The following LINGO2 variants were observed in gnomAD, a reference collection of about 807,000 sequenced individuals.
LINGO2 encodes leucine-rich repeat and immunoglobulin-like domain-containing nogo receptor-interacting protein 2.
A neutral mutation model predicts 30.6 loss-of-function variants in LINGO2; 14 were observed. The ratio of observed to expected loss-of-function variants is 0.46; its 90% confidence interval spans 0.30 to 0.72. The LOEUF (loss-of-function observed/expected upper bound fraction) is 0.72. LINGO2 is among the 30% of genes least tolerant of loss of function. The pLI is 0.07. For synonymous variants in LINGO2, 317 were observed against 288.5 expected (o/e 1.10, Z -1.00); for missense variants, 729 against 751.7 (o/e 0.97, Z 0.35).
At chr9:28,110,538 C>T (rs1051675036) in intron 4 of LINGO2, among the ~76,000 whole-genome samples, 1 of 151,982 alleles carries the variant, frequency 6.6e-6, no homozygotes, top group Non-Finnish European at 1.5e-5. Flanking sequence ...AGAACCTAAA[C>T]AAATTTACAA....
At chr9:28,676,638 G>T in the LINGO2 span, among the ~76,000 whole-genome samples, 1 of 152,076 alleles carries the variant, frequency 6.6e-6, no homozygotes, top group East Asian at 1.9e-4. Flanking sequence ...TGGTGGTGTT[G>T]GTGGTGGTGG....
chr9:27,950,697 G>C lies in LINGO2; in HGVS notation c.-26C>G. The C allele has an allele frequency of 3.4e-6, 5 of 1,486,744 alleles. No individual in the cohort carries two copies. The South Asian group carries it at 4.5e-5, about 13-fold the overall frequency. 92.1% of individuals were successfully genotyped at this position (1,486,744 alleles called of 1,614,324 possible). A position where few individuals can be genotyped will look rare whatever the true frequency, so the allele number is the denominator to read the frequency against. Reference sequence around the variant, plus strand: ...GACTCCACTTCTTAGTCTACACCTTGGTCACGGGTCTGCATGGAAGGGACA... The same window carrying C: ...GACTCCACTTCTTAGTCTACACCTTCGTCACGGGTCTGCATGGAAGGGACA... On this transcript the variant is annotated 5_prime_UTR_variant, in exon 6 of 6. Transcript: ENST00000379992.
At chr9:28,040,158 T>G (rs1227529582) in intron 4 of LINGO2, among the ~76,000 whole-genome samples, 2 of 147,490 alleles carry the variant, frequency 1.4e-5, no homozygotes, top group Non-Finnish European at 2.9e-5. Flanking sequence ...TTTGCCTTCT[T>G]TATTTTTTTT....
chr9:29,067,312 C>A, the LINGO2 span, among the ~76,000 whole-genome samples: 4 of 151,700 alleles, frequency 2.6e-5, no homozygotes, highest in Admixed American at 6.6e-5. Flanking sequence ...TAGTGATACA[C>A]TGCAAGAGAA....
chr9:28,636,416 T>C (rs1422588777), intron 1 of LINGO2, among the ~76,000 whole-genome samples: 1 of 152,184 alleles, frequency 6.6e-6, no homozygotes, highest in African/African-American at 2.4e-5. Context: ...TCCACAATGG[T>C]TGAACTAGTT....
the LINGO2 span, among the ~76,000 whole-genome samples, chr9:28,906,019 A>G: frequency 6.6e-6 from 1 of 152,092 alleles, no homozygotes; most frequent in African/African-American, 2.4e-5. Flanking sequence ...AGCACAGTTG[A>G]ACCTGACAGT....
chr9:29,028,425 G>GT, the LINGO2 span, among the ~76,000 whole-genome samples: 7 of 70,178 alleles, frequency 1.0e-4, no homozygotes, highest in Non-Finnish European at 1.6e-4. Flanking sequence ...TGTGTGGGGG[G>GT]GGGTGAGAGA....
intron 3 of LINGO2, among the ~76,000 whole-genome samples, chr9:28,368,544 T>C (rs1440809129): frequency 1.3e-5 from 2 of 152,002 alleles, no homozygotes; most frequent in Non-Finnish European, 2.9e-5. Flanking sequence ...ATACTTTAAT[T>C]AAATCCTGTT....
the LINGO2 span, among the ~76,000 whole-genome samples, chr9:28,821,586 G>A: frequency 6.6e-6 from 1 of 152,188 alleles, no homozygotes; most frequent in African/African-American, 2.4e-5. Context: ...ACAGAACGTT[G>A]TGAAAAAGTA....
chr9:27,998,484 T>C (rs750139927), intron 5 of LINGO2, among the ~76,000 whole-genome samples: 3 of 152,096 alleles, frequency 2.0e-5, no homozygotes, highest in African/African-American at 4.8e-5. Context: ...ACGTCAGATA[T>C]ATAAGAATTT....
the LINGO2 span, among the ~76,000 whole-genome samples, chr9:29,116,592 T>G: frequency 6.6e-6 from 1 of 152,086 alleles, no homozygotes; most frequent in African/African-American, 2.4e-5. Context: ...GTGCCTGATT[T>G]TACTACAATC....
the LINGO2 span, among the ~76,000 whole-genome samples, chr9:28,797,889 G>T: frequency 1.3e-5 from 2 of 152,010 alleles, no homozygotes; most frequent in Non-Finnish European, 2.9e-5. Context: ...TATGAAGTGG[G>T]GCCAGGAGAG....
chr9:28,139,547 G>GTA (rs1278222196), intron 4 of LINGO2, among the ~76,000 whole-genome samples: 1 of 152,140 alleles, frequency 6.6e-6, no homozygotes, highest in African/African-American at 2.4e-5. Flanking sequence ...AGAGCATAAA[G>GTA]TAAAGCATTT....
chr9:28,119,696 G>C (rs955322890), intron 4 of LINGO2, among the ~76,000 whole-genome samples: 1 of 152,174 alleles, frequency 6.6e-6, no homozygotes. Context: ...GAGGCCTACT[G>C]TATGAAGTCT....
chr9:27,970,599 CT>C (rs1820307909), intron 5 of LINGO2, among the ~76,000 whole-genome samples: 1 of 152,048 alleles, frequency 6.6e-6, no homozygotes, highest in South Asian at 2.1e-4. Context: ...TCCATTTTTG[CT>C]GTAGAAAGAG....
the LINGO2 span, among the ~76,000 whole-genome samples, chr9:28,746,122 A>C: frequency 6.6e-6 from 1 of 152,000 alleles, no homozygotes; most frequent in Non-Finnish European, 1.5e-5. Flanking sequence ...GAGTTCAGGT[A>C]ACTAATAACT....
At chr9:28,624,792 TG>T (rs929977847) in intron 1 of LINGO2, among the ~76,000 whole-genome samples, 2 of 151,582 alleles carry the variant, frequency 1.3e-5, no homozygotes, top group Non-Finnish European at 2.9e-5. Context: ...GGGCCTAGAA[TG>T]GGGTCCTTAT....
chr9:28,381,896 T>A (rs530753610), intron 2 of LINGO2, among the ~76,000 whole-genome samples: 13 of 152,236 alleles, frequency 8.5e-5, no homozygotes, highest in African/African-American at 3.1e-4. Flanking sequence ...TTTTGTTTCT[T>A]CAGTTTTTTT....
chr9:28,242,758 G>T (rs2133979132), intron 4 of LINGO2, among the ~76,000 whole-genome samples: 1 of 152,290 alleles, frequency 6.6e-6, no homozygotes, highest in Non-Finnish European at 1.5e-5. Context: ...AAGCCCATCA[G>T]ATTAACAGCA....
Sources: allele counts gnomAD v4.1 joint callset (sites outside exome capture counted in the v4.1 genomes callset), GRCh38; gene constraint gnomAD v4.1.1; transcripts MANE v1.5; gene names NCBI Gene and HGNC (gene_info 2026-07-23, HGNC 2026-07-21).